RBPJ: variants seen among roughly 807,000 people sequenced by gnomAD.
RBPJ encodes recombination signal binding protein for immunoglobulin kappa J region.
In RBPJ, 9 loss-of-function variants were observed where a neutral mutation model predicts 67.8. The observed-to-expected ratio is 0.13, with a 90% CI of 0.08 to 0.23. The LOEUF (loss-of-function observed/expected upper bound fraction) is 0.23. RBPJ is among the 10% of genes least tolerant of loss of function. The pLI, the probability that RBPJ is intolerant of heterozygous loss-of-function variation, is 1.00. For synonymous variants in RBPJ, 198 were observed against 203.3 expected (o/e 0.97, Z 0.22); for missense variants, 305 against 595.6 (o/e 0.51, Z 5.08).
the RBPJ span, among the ~76,000 whole-genome samples, chr4:26,142,813 G>A: frequency 2.6e-5 from 4 of 152,090 alleles, no homozygotes; most frequent in East Asian, 7.7e-4. Context: ...ACAGAGTCTC[G>A]TTCTGTTGCC....
intron 1 of RBPJ, among the ~76,000 whole-genome samples, chr4:26,199,506 C>T (rs2109151844): frequency 6.6e-6 from 1 of 152,312 alleles, no homozygotes; most frequent in African/African-American, 2.4e-5. Flanking sequence ...TGTTGGAACA[C>T]AGGACAACGC....
At chr4:26,205,072 G>T (rs1040690582) in intron 1 of RBPJ, among the ~76,000 whole-genome samples, 2 of 152,186 alleles carry the variant, frequency 1.3e-5, no homozygotes, top group Admixed American at 6.5e-5. Flanking sequence ...ACTGCAGGAT[G>T]GGGGAGGGGC....
chr4:26,349,571 G>A (rs1726584123), intron 1 of RBPJ, among the ~76,000 whole-genome samples: 1 of 152,102 alleles, frequency 6.6e-6, no homozygotes, highest in Non-Finnish European at 1.5e-5. Context: ...TAAGTGTTTT[G>A]ATTTACAGAC....
upstream of RBPJ, among the ~76,000 whole-genome samples, chr4:26,319,461 C>T (rs2109316194): frequency 6.6e-6 from 1 of 151,600 alleles, no homozygotes; most frequent in African/African-American, 2.4e-5. Flanking sequence ...CGGCAAGCCG[C>T]TCCCTTCCCA....
At chr4:26,254,050 C>T (rs1720211241) in intron 1 of RBPJ, among the ~76,000 whole-genome samples, 6 of 148,682 alleles carry the variant, frequency 4.0e-5, no homozygotes, top group Non-Finnish European at 8.8e-5. Context: ...AGTTTGGGAA[C>T]ATGCCCCATT....
the RBPJ span, among the ~76,000 whole-genome samples, chr4:26,108,337 C>T: frequency 6.6e-6 from 1 of 152,186 alleles, no homozygotes; most frequent in Non-Finnish European, 1.5e-5. Flanking sequence ...GAAGACTTCC[C>T]ACTCTCTTCC....
At chr4:26,341,092 TA>T (rs151080313) in intron 1 of RBPJ, among the ~76,000 whole-genome samples, 1,851 of 152,198 alleles carry the variant, frequency 0.012, 31 homozygotes, top group African/African-American at 0.043. Context: ...GTTAAAGCCA[TA>T]ATCATCAAGA....
chr4:26,161,857 C>T (rs1027611135), upstream of RBPJ, among the ~76,000 whole-genome samples: 27 of 152,150 alleles, frequency 1.8e-4, no homozygotes, highest in African/African-American at 5.3e-4. Flanking sequence ...TTGACCGTCA[C>T]GACAACATCT....
chr4:26,425,042 G>A, intron 7 of RBPJ: 1 of 399,192 alleles, frequency 2.5e-6, no homozygotes, highest in Non-Finnish European at 4.4e-6. Flanking sequence ...GTTCAGTAGA[G>A]GGCACTATAA....
intron 3 of RBPJ, among the ~76,000 whole-genome samples, chr4:26,411,963 AAATT>A (rs1734063775): frequency 6.6e-6 from 1 of 151,092 alleles, no homozygotes; most frequent in African/African-American, 2.4e-5. Flanking sequence ...AAAAAAAAAA[AAATT>A]AGCCAGGCGT....
chr4:26,136,184 A>G, the RBPJ span, among the ~76,000 whole-genome samples: 1 of 152,168 alleles, frequency 6.6e-6, no homozygotes, highest in Non-Finnish European at 1.5e-5. Flanking sequence ...CTTGACACAT[A>G]GGGATTATTA....
At chr4:26,247,441 G>A (rs895052176) in intron 1 of RBPJ, among the ~76,000 whole-genome samples, 1 of 151,450 alleles carries the variant, frequency 6.6e-6, no homozygotes, top group Non-Finnish European at 1.5e-5. Flanking sequence ...ACGGAGTTTC[G>A]CTCTTGTTGC....
At chr4:26,269,404 C>T (rs1168921681) in intron 1 of RBPJ, among the ~76,000 whole-genome samples, 1 of 151,892 alleles carries the variant, frequency 6.6e-6, no homozygotes, top group Admixed American at 6.6e-5. Flanking sequence ...TACAGGCATG[C>T]ACCACCATGC....
At chr4:26,138,855 G>T in the RBPJ span, among the ~76,000 whole-genome samples, 2 of 152,248 alleles carry the variant, frequency 1.3e-5, no homozygotes, top group African/African-American at 4.8e-5. Context: ...ACTTCAGCTT[G>T]TCTTGGTAGC....
intron 1 of RBPJ, among the ~76,000 whole-genome samples, chr4:26,194,401 T>G (rs1717678398): frequency 6.6e-6 from 1 of 152,222 alleles, no homozygotes. Context: ...AGCACTGATA[T>G]AATAACCATA....
the RBPJ span, among the ~76,000 whole-genome samples, chr4:26,115,629 C>T: frequency 6.6e-6 from 1 of 152,152 alleles, no homozygotes; most frequent in Non-Finnish European, 1.5e-5. Context: ...CATGATCCAC[C>T]CGCCTCGGCC....
At chr4:26,138,103 G>C in the RBPJ span, among the ~76,000 whole-genome samples, 1 of 150,324 alleles carries the variant, frequency 6.7e-6, no homozygotes, top group African/African-American at 2.4e-5. Context: ...GAACTGCCAG[G>C]AGACCACTGT....
intron 1 of RBPJ, among the ~76,000 whole-genome samples, chr4:26,310,657 T>G (rs114785868): frequency 0.013 from 1,890 of 143,230 alleles, 21 homozygotes; most frequent in Admixed American, 0.018. Flanking sequence ...TGTATTTGCC[T>G]GTTTTAACTT....
At chr4:26,367,432 T>C (rs962533071) in intron 1 of RBPJ, among the ~76,000 whole-genome samples, 1 of 152,170 alleles carries the variant, frequency 6.6e-6, no homozygotes, top group Non-Finnish European at 1.5e-5. Context: ...ATCATGGCAC[T>C]ACACTCCAGC....
Sources: gnomAD v4.1 joint callset for allele counts (sites outside exome capture counted in the v4.1 genomes callset) on GRCh38, gnomAD v4.1.1 for gene constraint, MANE v1.5 for transcripts, NCBI Gene and HGNC (gene_info 2026-07-23, HGNC 2026-07-21) for gene names.